The following EXOC6B variants were observed in gnomAD, a reference collection of about 807,000 sequenced individuals.
EXOC6B encodes the protein SEC15 homolog B.
A neutral mutation model predicts 113.5 loss-of-function variants in EXOC6B; 54 were observed. That is an observed-to-expected ratio of 0.48 (90% CI 0.38 to 0.60). The LOEUF (loss-of-function observed/expected upper bound fraction) is 0.60, where lower values mean the gene tolerates loss of function less well. EXOC6B is among the 20% of genes least tolerant of loss of function. The probability of loss-of-function intolerance (pLI) is 0.00; values close to 1 mark genes in which losing one functional copy is unlikely to be tolerated. For synonymous variants in EXOC6B, 357 were observed against 339.0 expected, an observed-to-expected ratio of 1.05 and a Z score of -0.58; for missense variants, 797 against 977.5, an observed-to-expected ratio of 0.82 and a Z score of 2.46.
intron 20 of EXOC6B, among the ~76,000 whole-genome samples, chr2:72,259,282 A>G (rs1683557096): frequency 6.6e-6 from 1 of 152,234 alleles, no homozygotes; most frequent in African/African-American, 2.4e-5. Context: ...AAACAAGATC[A>G]TACAGTATGT....
At chr2:72,707,785 A>G (rs1473612138) in intron 6 of EXOC6B, among the ~76,000 whole-genome samples, 3 of 152,152 alleles carry the variant, frequency 2.0e-5, no homozygotes, top group Non-Finnish European at 2.9e-5. Flanking sequence ...CATAATGCCT[A>G]CCATAGTATT....
chr2:72,395,572 T>C (rs942033826), intron 18 of EXOC6B, among the ~76,000 whole-genome samples: 1 of 152,162 alleles, frequency 6.6e-6, no homozygotes, highest in Non-Finnish European at 1.5e-5. Context: ...GCTCTTTAAT[T>C]AACCTCAATA....
chr2:72,572,681 G>T (rs1283136373), intron 7 of EXOC6B, among the ~76,000 whole-genome samples: 5 of 152,172 alleles, frequency 3.3e-5, no homozygotes, highest in African/African-American at 1.2e-4. Flanking sequence ...ATGAAGGTCA[G>T]AACGTCACAG....
At position 72,797,835 on chromosome 2, in the gene EXOC6B, TTAATAA is replaced by T. The variant is rs532548422; in HGVS notation, c.113+27957_113+27962del. The stretch of plus-strand genomic sequence containing the variant: ...CAAAATTAATTAATTAATTAATTAA[TTAATAA>T]TAATAATTATCAGCATATGAAGAAT... On this transcript the variant is annotated intron_variant, in intron 1 of 21. Transcript: ENST00000272427. Among the ~76,000 whole-genome samples the T allele has an allele frequency of 4.1e-3, 616 of 151,184 alleles. 9 individuals carry two copies. The highest frequency in any genetic ancestry group is 0.015 in the African/African-American group (603 of 41,042).
chr2:72,368,611 C>T (rs1342532810), intron 19 of EXOC6B, among the ~76,000 whole-genome samples: 3 of 152,118 alleles, frequency 2.0e-5, no homozygotes, highest in Admixed American at 2.0e-4. Context: ...TGCAAAAATC[C>T]TCAATAAAAT....
intron 6 of EXOC6B, among the ~76,000 whole-genome samples, chr2:72,686,673 C>CT (rs1677110852): frequency 6.6e-6 from 1 of 152,100 alleles, no homozygotes; most frequent in African/African-American, 2.4e-5. Flanking sequence ...TGTTCAAAGA[C>CT]TTGAACTTCT....
chr2:72,559,578 A>G, intron 7 of EXOC6B, 57 bp from the exon 8 acceptor site: 1 of 1,390,324 alleles, frequency 7.2e-7, no homozygotes, highest in Non-Finnish European at 1.0e-6. Flanking sequence ...AAGCAACTAC[A>G]TTAATTGTTA....
intron 9 of EXOC6B, 122 bp downstream of exon 9, chr2:72,514,921 T>C: frequency 3.4e-6 from 3 of 894,046 alleles, no homozygotes; most frequent in Non-Finnish European, 5.2e-6. Flanking sequence ...CCACCAAAAG[T>C]GGTCTCAGAA....
chr2:72,616,660 T>C (rs1033316765), intron 6 of EXOC6B, among the ~76,000 whole-genome samples: 4 of 152,108 alleles, frequency 2.6e-5, no homozygotes, highest in African/African-American at 9.7e-5. Context: ...GAGAACAGCA[T>C]GGGAAAGACC....
intron 20 of EXOC6B, among the ~76,000 whole-genome samples, chr2:72,235,326 T>C (rs972970099): frequency 5.3e-5 from 8 of 152,192 alleles, no homozygotes; most frequent in Non-Finnish European, 4.4e-5. Context: ...ATGTTTTCAC[T>C]TATTTAGCTC....
chr2:72,599,140 T>C (rs2103985445), intron 6 of EXOC6B, among the ~76,000 whole-genome samples: 1 of 152,222 alleles, frequency 6.6e-6, no homozygotes, highest in East Asian at 1.9e-4. Flanking sequence ...TAATGAACAC[T>C]GATGTAAACA....
rs1427395206 is a variant in EXOC6B, at chr2:72,526,629, C to T, written c.916-11503G>A. Among the ~76,000 whole-genome samples, 3 of 151,960 alleles carry T rather than the reference C, an allele frequency of 2.0e-5. No homozygotes were observed. The East Asian group carries it at 5.8e-4, about 29-fold the overall frequency. ...CCTTCACTCCCCTCATTAACAGAAA[C>T]TGTACAGAAACTGACCAATTTAGAA... On this transcript the variant is annotated intron_variant, in intron 8 of 21. Transcript: ENST00000272427.
At chr2:72,218,435 T>TGTGC (rs1214685577) in intron 20 of EXOC6B, among the ~76,000 whole-genome samples, 2 of 152,210 alleles carry the variant, frequency 1.3e-5, no homozygotes, top group African/African-American at 4.8e-5. Context: ...TGTGTGTGTG[T>TGTGC]GCATGTGTGC....
chr2:72,216,333 G>A (rs1490437385), intron 20 of EXOC6B, among the ~76,000 whole-genome samples: 1 of 152,176 alleles, frequency 6.6e-6, no homozygotes, highest in African/African-American at 2.4e-5. Context: ...TTAGAGAAAT[G>A]CAAATTAAAA....
chr2:72,453,050 T>C (rs1697002179), intron 18 of EXOC6B, among the ~76,000 whole-genome samples: 1 of 152,104 alleles, frequency 6.6e-6, no homozygotes, highest in African/African-American at 2.4e-5. Context: ...CTTAGAAATA[T>C]TAGGGGAAAA....
rs113271545 is a variant in EXOC6B at position 72,624,138 on chromosome 2, C to CT, written c.670-48471dup. Among the ~76,000 whole-genome samples the CT allele has an allele frequency of 1.5e-3, 223 of 149,778 alleles. 1 individual carries two copies. Among genetic ancestry groups the CT allele is most frequent in the African/African-American group, 4.8e-3 (196 of 40,992 alleles). On this transcript the variant is annotated intron_variant, in intron 6 of 21. Transcript: ENST00000272427. ...TCCCCTCAGATCAAAATCAGATCAT[C>CT]TTTTTTTTTTCCTTTTTTGAGACAG...
At chr2:72,488,371 C>G (rs754586200) in intron 16 of EXOC6B, among the ~76,000 whole-genome samples, 2 of 152,094 alleles carry the variant, frequency 1.3e-5, no homozygotes, top group South Asian at 2.1e-4. Flanking sequence ...GTGATAGTAT[C>G]CAGTAGCATG....
rs188038250 is a variant in EXOC6B at position 72,710,592 on chromosome 2, C to T, written c.669+7511G>A. ...AACTTCTTTGACTACAGAGACCACA[C>T]TCTGTGCATGTTTTGCATAATATCT... On this transcript the variant is annotated intron_variant, in intron 6 of 21. Transcript: ENST00000272427. 6.6e-5 allele frequency among the ~76,000 whole-genome samples: 10 copies of T among 152,298 alleles called. No homozygotes were observed. In the East Asian group the frequency reaches 1.9e-3, roughly 29 times the overall value.
intron 18 of EXOC6B, among the ~76,000 whole-genome samples, chr2:72,428,767 C>A (rs1427318604): frequency 1.3e-5 from 2 of 152,210 alleles, no homozygotes; most frequent in Non-Finnish European, 2.9e-5. Context: ...ATAGCCTTTG[C>A]AATAAGTGGA....
Sources: allele counts gnomAD v4.1 joint callset (sites outside exome capture counted in the v4.1 genomes callset), GRCh38; gene constraint gnomAD v4.1.1; transcripts MANE v1.5; gene names NCBI Gene and HGNC (gene_info 2026-07-23, HGNC 2026-07-21).